The following ZCCHC7 variants were observed in gnomAD, a reference collection of about 807,000 sequenced individuals.
ZCCHC7 encodes the protein zinc finger CCHC-type containing 7.
In ZCCHC7, 35 loss-of-function variants were observed where a neutral mutation model predicts 52.0. The observed-to-expected ratio is 0.67, with a 90% CI of 0.51 to 0.89. The LOEUF (loss-of-function observed/expected upper bound fraction) is 0.89. ZCCHC7 is among the 40% of genes least tolerant of loss of function. The probability of loss-of-function intolerance (pLI) is 0.00; values close to 1 mark genes in which losing one functional copy is unlikely to be tolerated. For synonymous variants in ZCCHC7, 217 were observed against 221.5 expected, an observed-to-expected ratio of 0.98 and a Z score of 0.18; for missense variants, 574 against 649.1, an observed-to-expected ratio of 0.88 and a Z score of 1.26.
At chr9:37,134,202 GTTAAAC>G (rs1460037684) in intron 2 of ZCCHC7, among the ~76,000 whole-genome samples, 2 of 151,970 alleles carry the variant, frequency 1.3e-5, no homozygotes, top group Non-Finnish European at 2.9e-5. Flanking sequence ...GTAATTGGCT[GTTAAAC>G]TTAAGTATCC....
intron 3 of ZCCHC7, 22 bp downstream of exon 3, chr9:37,302,253 A>C: frequency 6.4e-7 from 1 of 1,566,686 alleles, no homozygotes; most frequent in Non-Finnish European, 8.8e-7. Flanking sequence ...TTGTTTTTAA[A>C]ATTCAGAATA....
At chr9:37,214,410 T>C (rs1824397924) in intron 2 of ZCCHC7, among the ~76,000 whole-genome samples, 1 of 152,098 alleles carries the variant, frequency 6.6e-6, no homozygotes. Context: ...CTATTATACT[T>C]AAGAAACATT....
chr9:37,133,048 C>T (rs1842858256), intron 2 of ZCCHC7, among the ~76,000 whole-genome samples: 1 of 152,124 alleles, frequency 6.6e-6, no homozygotes, highest in Non-Finnish European at 1.5e-5. Context: ...GCAGGAGAAT[C>T]GCTTGAACCT....
At chr9:37,194,917 A>G (rs147780463) in intron 2 of ZCCHC7, among the ~76,000 whole-genome samples, 3 of 151,648 alleles carry the variant, frequency 2.0e-5, no homozygotes, top group African/African-American at 4.8e-5. Context: ...TAGCAGAACA[A>G]GAACTCAGAT....
At chr9:37,216,646 C>T (rs1447493674) in intron 2 of ZCCHC7, among the ~76,000 whole-genome samples, 2 of 151,944 alleles carry the variant, frequency 1.3e-5, no homozygotes, top group Non-Finnish European at 2.9e-5. Context: ...TGCACTCCAG[C>T]GTGGGCAACA....
intron 2 of ZCCHC7, among the ~76,000 whole-genome samples, chr9:37,223,339 TAC>T (rs2133273113): frequency 6.6e-6 from 1 of 152,304 alleles, no homozygotes; most frequent in South Asian, 2.1e-4. Flanking sequence ...TAATACATGG[TAC>T]AACATGGATG....
chr9:37,345,769 T>A (rs979581802), intron 6 of ZCCHC7, among the ~76,000 whole-genome samples: 14 of 152,186 alleles, frequency 9.2e-5, no homozygotes, highest in Non-Finnish European at 8.8e-5. Context: ...AGTCTTAATT[T>A]ATGAACCCCA....
chr9:37,261,048 G>A (rs1216808475), intron 2 of ZCCHC7, among the ~76,000 whole-genome samples: 4 of 152,184 alleles, frequency 2.6e-5, no homozygotes, highest in Non-Finnish European at 5.9e-5. Flanking sequence ...ACCACTGGCT[G>A]CTTGATATGG....
intron 2 of ZCCHC7, among the ~76,000 whole-genome samples, chr9:37,170,935 G>T (rs912127455): frequency 6.6e-6 from 1 of 152,076 alleles, no homozygotes; most frequent in Admixed American, 6.6e-5. Context: ...AGCTCAAAAG[G>T]TTTAAGTTCA....
At chr9:37,201,187 T>C (rs1292462632) in intron 2 of ZCCHC7, among the ~76,000 whole-genome samples, 1 of 152,242 alleles carries the variant, frequency 6.6e-6, no homozygotes, top group Non-Finnish European at 1.5e-5. Flanking sequence ...TGTTCAGGTC[T>C]TACAGCTTGT....
intron 2 of ZCCHC7, among the ~76,000 whole-genome samples, chr9:37,254,653 T>C (rs1040589536): frequency 4.6e-4 from 70 of 152,020 alleles, no homozygotes; most frequent in Non-Finnish European, 2.1e-4. Context: ...TAAGAATTAC[T>C]ACATTCATGA....
intron 2 of ZCCHC7, among the ~76,000 whole-genome samples, chr9:37,157,195 T>C (rs2132873687): frequency 8.1e-6 from 1 of 122,984 alleles, no homozygotes; most frequent in Non-Finnish European, 1.7e-5. Flanking sequence ...ACAAACTTAG[T>C]TGAAAAAAAA....
At chr9:37,158,680 A>G (rs1820938225) in intron 2 of ZCCHC7, among the ~76,000 whole-genome samples, 1 of 151,978 alleles carries the variant, frequency 6.6e-6, no homozygotes. Flanking sequence ...TTTAACAAAG[A>G]TATGTGTATT....
chr9:37,254,043 C>T (rs1826457267), intron 2 of ZCCHC7, among the ~76,000 whole-genome samples: 1 of 151,750 alleles, frequency 6.6e-6, no homozygotes, highest in Non-Finnish European at 1.5e-5. Flanking sequence ...TGAGTGTTAC[C>T]AGAACATTAA....
At chr9:37,188,206 A>G (rs895066815) in intron 2 of ZCCHC7, among the ~76,000 whole-genome samples, 3 of 152,002 alleles carry the variant, frequency 2.0e-5, no homozygotes, top group Non-Finnish European at 2.9e-5. Flanking sequence ...CGTGAAGTGC[A>G]GTGGTGTGAT....
At chr9:37,146,125 G>C (rs1184871125) in intron 2 of ZCCHC7, among the ~76,000 whole-genome samples, 1 of 151,690 alleles carries the variant, frequency 6.6e-6, no homozygotes, top group Admixed American at 6.6e-5. Context: ...AGAGTTTTTG[G>C]TGTACCTTAT....
intron 2 of ZCCHC7, 35 bp downstream of exon 2, chr9:37,126,977 C>T (rs760808682): frequency 1.9e-6 from 3 of 1,599,606 alleles, no homozygotes; most frequent in East Asian, 2.2e-5. Flanking sequence ...AAAGTAGTAT[C>T]ATCTTTCATA....
At chr9:37,141,687 A>G (rs1408985483) in intron 2 of ZCCHC7, among the ~76,000 whole-genome samples, 1 of 151,902 alleles carries the variant, frequency 6.6e-6, no homozygotes, top group Non-Finnish European at 1.5e-5. Flanking sequence ...TATATTAAGT[A>G]GTTGTTTACA....
chr9:37,144,391 A>G (rs538425135), intron 2 of ZCCHC7, among the ~76,000 whole-genome samples: 2 of 152,082 alleles, frequency 1.3e-5, no homozygotes, highest in African/African-American at 2.4e-5. Context: ...AGGCAGATTT[A>G]TATCATCCTA....
Sources: allele counts gnomAD v4.1 joint callset (sites outside exome capture counted in the v4.1 genomes callset), GRCh38; gene constraint gnomAD v4.1.1; transcripts MANE v1.5; gene names NCBI Gene and HGNC (gene_info 2026-07-23, HGNC 2026-07-21).